The following DCT variants were observed in gnomAD, a reference collection of about 807,000 sequenced individuals.
DCT encodes the protein L-dopachrome tautomerase.
DCT carries 47 observed loss-of-function variants against 53.0 expected under a neutral mutation model. The ratio of observed to expected loss-of-function variants is 0.89; its 90% confidence interval spans 0.70 to 1.13. The LOEUF (loss-of-function observed/expected upper bound fraction) is 1.13. DCT is among the 50% of genes most tolerant of loss of function. The probability of loss-of-function intolerance (pLI) is 0.00; values close to 1 mark genes in which losing one functional copy is unlikely to be tolerated. For synonymous variants in DCT, 244 were observed against 237.0 expected (o/e 1.03, Z -0.27); for missense variants, 669 against 637.4 (o/e 1.05, Z -0.53).
At chr13:94,512,428 G>A in the DCT span, among the ~76,000 whole-genome samples, 1 of 152,062 alleles carries the variant, frequency 6.6e-6, no homozygotes, top group Non-Finnish European at 1.5e-5. Context: ...CCCAAAGAAA[G>A]ACATTCAAAT....
At chr13:94,523,836 G>C in the DCT span, among the ~76,000 whole-genome samples, 10 of 151,874 alleles carry the variant, frequency 6.6e-5, no homozygotes, top group Admixed American at 1.3e-4. Context: ...CTGCTCCCTG[G>C]GCTGGAAAGA....
Position 94,439,332 on chromosome 13 carries a change from AAT to A in DCT, c.*564_*565del, listed in dbSNP as rs1882105800. 1 of 152,260 alleles carries A rather than the reference AAT, an allele frequency of 6.6e-6. No individual in the cohort carries two copies. The highest frequency in any genetic ancestry group is 2.4e-5 in the African/African-American group (1 of 41,450). The allele number at this position is 152,260 out of a possible 1,614,324, so 9.4% of individuals were successfully genotyped here. A position where few individuals can be genotyped will look rare whatever the true frequency, so the allele number is the denominator to read the frequency against. On this transcript the variant is annotated 3_prime_UTR_variant, in exon 8 of 8. Transcript: ENST00000377028. ...CTCATCTTCTAAGCTGGAGAGGAAA[AAT>A]ATAGAGAAAAGAAGAAAAAGAAGCC...
the DCT span, among the ~76,000 whole-genome samples, chr13:94,517,226 A>G: frequency 1.3e-5 from 2 of 152,172 alleles, no homozygotes; most frequent in Admixed American, 6.5e-5. Flanking sequence ...CCTAACATCT[A>G]ATCACTTTTA....
At chr13:94,517,794 G>A in the DCT span, among the ~76,000 whole-genome samples, 1 of 152,108 alleles carries the variant, frequency 6.6e-6, no homozygotes, top group African/African-American at 2.4e-5. Flanking sequence ...ACAAGCCAAA[G>A]CATGCTAGTA....
the DCT span, among the ~76,000 whole-genome samples, chr13:94,514,752 C>T: frequency 1.3e-5 from 2 of 152,194 alleles, no homozygotes; most frequent in Non-Finnish European, 2.9e-5. Flanking sequence ...GGAGACCTAG[C>T]CTCGCATGGC....
chr13:94,505,413 AC>A, the DCT span, among the ~76,000 whole-genome samples: 8 of 152,306 alleles, frequency 5.3e-5, no homozygotes, highest in African/African-American at 1.9e-4. Flanking sequence ...TAGATTTTCT[AC>A]TAATCCTCTA....
At chr13:94,480,141 AAAT>A (rs1885377443), upstream of DCT, among the ~76,000 whole-genome samples, 1 of 152,238 alleles carries the variant, frequency 6.6e-6, no homozygotes, top group Non-Finnish European at 1.5e-5. Flanking sequence ...TCTTCCCTCC[AAAT>A]AATAACTTAC....
At chr13:94,512,479 A>G in the DCT span, among the ~76,000 whole-genome samples, 1 of 152,234 alleles carries the variant, frequency 6.6e-6, no homozygotes, top group South Asian at 2.1e-4. Flanking sequence ...CTTGCCATTT[A>G]AAAATAAAAA....
the DCT span, among the ~76,000 whole-genome samples, chr13:94,498,863 T>C: frequency 6.6e-6 from 1 of 152,108 alleles, no homozygotes; most frequent in Non-Finnish European, 1.5e-5. Context: ...AGCTAAAGGA[T>C]TGTAAATGCA....
intron 1 of DCT, among the ~76,000 whole-genome samples, chr13:94,476,700 T>C (rs1390087073): frequency 6.6e-6 from 1 of 152,160 alleles, no homozygotes; most frequent in Non-Finnish European, 1.5e-5. Flanking sequence ...GGTGTTGAAC[T>C]CCTGACCCGT....
At chr13:94,477,677 T>A (rs1242884364) in intron 1 of DCT, among the ~76,000 whole-genome samples, 1 of 151,264 alleles carries the variant, frequency 6.6e-6, no homozygotes, top group Non-Finnish European at 1.5e-5. Flanking sequence ...AAAAATCGAA[T>A]GTCATTCCTA....
intron 4 of DCT, 127 bp from the exon 5 acceptor site, chr13:94,462,316 A>G: frequency 1.4e-6 from 1 of 696,462 alleles, no homozygotes; most frequent in South Asian, 1.6e-5. Flanking sequence ...GAGACCAGCT[A>G]TGGCAAAGCC....
At chr13:94,456,138 C>G (rs979443136) in intron 6 of DCT, among the ~76,000 whole-genome samples, 2 of 152,224 alleles carry the variant, frequency 1.3e-5, no homozygotes, top group African/African-American at 4.8e-5. Flanking sequence ...CAGATAAGCC[C>G]CCACCTTGTT....
chr13:94,462,969 T>C (rs140714656), intron 4 of DCT, among the ~76,000 whole-genome samples: 1 of 152,256 alleles, frequency 6.6e-6, no homozygotes, highest in African/African-American at 2.4e-5. Flanking sequence ...GGGGAGATAT[T>C]AGAAGAAACA....
chr13:94,499,337 C>G, the DCT span, among the ~76,000 whole-genome samples: 1 of 152,088 alleles, frequency 6.6e-6, no homozygotes, highest in Non-Finnish European at 1.5e-5. Context: ...GAACCAATTC[C>G]AGACACACAT....
the DCT span, among the ~76,000 whole-genome samples, chr13:94,531,808 A>C: frequency 6.6e-6 from 1 of 152,218 alleles, no homozygotes. Flanking sequence ...AATTAAACCA[A>C]AGAGCTTCTG....
At chr13:94,522,636 G>T in the DCT span, among the ~76,000 whole-genome samples, 1 of 152,158 alleles carries the variant, frequency 6.6e-6, no homozygotes, top group African/African-American at 2.4e-5. Context: ...AAAGTGAGAC[G>T]TAGTCCCAAC....
At chr13:94,441,059 A>C (rs1882270021) in intron 7 of DCT, among the ~76,000 whole-genome samples, 1 of 152,122 alleles carries the variant, frequency 6.6e-6, no homozygotes, top group South Asian at 2.1e-4. Context: ...CTGTTCTTAA[A>C]TTCAGCTCCT....
At chr13:94,465,973 TATATATATATA>T (rs1884177668) in intron 3 of DCT, among the ~76,000 whole-genome samples, 174 bp from the exon 4 acceptor site, 1 of 4,422 alleles carries the variant, frequency 2.3e-4, no homozygotes, top group Admixed American at 1.7e-3. Context: ...ATATTTTATA[TATATATATATA>T]TATATATATA....
Sources: gnomAD v4.1 joint callset for allele counts (sites outside exome capture counted in the v4.1 genomes callset) on GRCh38, gnomAD v4.1.1 for gene constraint, MANE v1.5 for transcripts, NCBI Gene and HGNC (gene_info 2026-07-23, HGNC 2026-07-21) for gene names.